The following INKA1 variants were observed in gnomAD, a reference collection of about 807,000 sequenced individuals.
INKA1 encodes PAK4-inhibitor INKA1.
INKA1 carries 14 observed loss-of-function variants against 21.3 expected under a neutral mutation model. That is an observed-to-expected ratio of 0.66 (90% CI 0.43 to 1.03). INKA1 has a LOEUF of 1.03. INKA1 is among the 50% of genes least tolerant of loss of function. The pLI is 0.00. For missense variants in INKA1, 353 were observed against 379.0 expected (o/e 0.93, Z 0.57); for synonymous variants, 133 against 143.3 (o/e 0.93, Z 0.51).
In INKA1 at chr3:49,804,403, T is replaced by C; in HGVS notation, c.274T>C (p.Trp92Arg). 1 of 1,613,168 alleles carries C rather than the reference T, an allele frequency of 6.2e-7. No homozygotes were observed. The highest frequency in any genetic ancestry group is 1.1e-5 in the South Asian group (1 of 91,036). ...AGGCCCCAGGGAGCATGCCCTGGAC[T>C]GGGACTCTGGCTTCTCGGAGGTGTC... is the stretch of plus-strand genomic sequence containing the variant. ...LGGPREHALD[W>R]DSGFSEVSGS... The change falls in exon 2 of 2, where the codon TGG (tryptophan) becomes CGG (arginine). Residue 92 changes from tryptophan (W) to arginine (R), a missense_variant. Coordinates refer to ENST00000333323, the MANE Select transcript of INKA1 (RefSeq NM_203370.2). The surrounding 1 kb of genome is among the most constrained non-coding windows in gnomAD (Gnocchi z 6.7).
chr3:49,804,073 C>T lies in INKA1; in HGVS notation c.52-108C>T. Reference sequence around the variant, plus strand: ...TGCCTGCCCTGTGCTCACTAACACCCTGCTGCCCAGGCCAGCAGGCCTATC... The same window carrying T: ...TGCCTGCCCTGTGCTCACTAACACCTTGCTGCCCAGGCCAGCAGGCCTATC... On this transcript the variant is annotated intron_variant, in intron 1 of 1. Coordinates refer to ENST00000333323, the MANE Select transcript of INKA1 (RefSeq NM_203370.2). The surrounding 1 kb of genome is among the most constrained non-coding windows in gnomAD (Gnocchi z 6.7). 1 of 942,610 alleles carries T rather than the reference C, an allele frequency of 1.1e-6. No homozygotes were observed. Among genetic ancestry groups the T allele is most frequent in the South Asian group, 1.6e-5 (1 of 62,878 alleles). 58.4% of individuals were successfully genotyped at this position (942,610 alleles called of 1,614,324 possible).
rs1575362897 is a variant in INKA1 at position 49,804,165 on chromosome 3, C to T, written c.52-16C>T. On this transcript the variant is annotated splice_polypyrimidine_tract_variant and intron_variant, in intron 1 of 1. Transcript: ENST00000333323. This position sits in a 1 kb window ranked among gnomAD's most constrained non-coding sequence, Gnocchi z 6.7. ...CAAGTGATACCTCTCCGACTTCTGCCCTCTCTTCCCCTCAGTTGTGTGGTC... is the reference window on the plus strand; with the variant it reads ...CAAGTGATACCTCTCCGACTTCTGCTCTCTCTTCCCCTCAGTTGTGTGGTC... 1 of 1,551,332 alleles carries T rather than the reference C, an allele frequency of 6.4e-7. No individual in the cohort carries two copies. Among genetic ancestry groups the T allele is most frequent in the Non-Finnish European group, 8.7e-7 (1 of 1,146,386 alleles).
chr3:49,803,540 G>C lies in INKA1; in HGVS notation c.51+97G>C, dbSNP rs2081398508. ...CAGACGGGTGCGGGGTGGCTCCAGCGTGCCGGTCCGAGGCGGGGTGGGGGC... is the reference window on the plus strand; with the variant it reads ...CAGACGGGTGCGGGGTGGCTCCAGCCTGCCGGTCCGAGGCGGGGTGGGGGC... On this transcript the variant is annotated intron_variant, in intron 1 of 1. Coordinates refer to ENST00000333323, the MANE Select transcript of INKA1 (RefSeq NM_203370.2). The surrounding 1 kb of genome is among the most constrained non-coding windows in gnomAD (Gnocchi z 4.8). 3 of 1,290,008 alleles carry C rather than the reference G, an allele frequency of 2.3e-6. No homozygotes were observed. In the Admixed American group the frequency reaches 7.8e-5, roughly 34 times the overall value. The allele number at this position is 1,290,008 out of a possible 1,614,324, so 79.9% of individuals were successfully genotyped here.
chr3:49,804,166 C>A lies in INKA1; in HGVS notation c.52-15C>A. 1 of 1,552,270 alleles carries A rather than the reference C, an allele frequency of 6.4e-7. No individual in the cohort carries two copies. The highest frequency in any genetic ancestry group is 8.7e-7 in the Non-Finnish European group (1 of 1,146,982). Reference sequence around the variant, plus strand: ...AAGTGATACCTCTCCGACTTCTGCCCTCTCTTCCCCTCAGTTGTGTGGTCG... The same window carrying A: ...AAGTGATACCTCTCCGACTTCTGCCATCTCTTCCCCTCAGTTGTGTGGTCG... On this transcript the variant is annotated splice_polypyrimidine_tract_variant and intron_variant, in intron 1 of 1. Transcript: ENST00000333323. This position sits in a 1 kb window ranked among gnomAD's most constrained non-coding sequence, Gnocchi z 6.7.
In INKA1 at chr3:49,803,424, G is replaced by A; in HGVS notation, c.32G>A (p.Ser11Asn). Residue 11 changes from serine (S) to asparagine (N), a missense_variant, in exon 1 of 2, where the codon AGC becomes AAC. Coordinates refer to ENST00000333323, the MANE Select transcript of INKA1 (RefSeq NM_203370.2). The surrounding 1 kb of genome is among the most constrained non-coding windows in gnomAD (Gnocchi z 4.8). ...AGCGCTCGGCTTGACAGCTTCCTTA[G>A]CCAGCTCCGCTGGGAACTGGTGAGG... is the stretch of plus-strand genomic sequence containing the variant. MHSARLDSFL[S>N]QLRWELLCGR... 1 of 1,557,804 alleles carries A rather than the reference G, an allele frequency of 6.4e-7. No homozygotes were observed. The highest frequency in any genetic ancestry group is 2.0e-5 in the Admixed American group (1 of 50,488).
Position 49,803,376 on chromosome 3 carries a change from G to T in INKA1, c.-17G>T. 1 of 1,518,804 alleles carries T rather than the reference G, an allele frequency of 6.6e-7. No homozygotes were observed. Among genetic ancestry groups the T allele is most frequent in the African/African-American group, 1.4e-5 (1 of 69,830 alleles). 94.1% of individuals were successfully genotyped at this position (1,518,804 alleles called of 1,614,324 possible). ...CCAAGAGGAGCTAGTAGGTTCGGTG[G>T]GGGCCCTGGCATGGACATGCACAGC... On this transcript the variant is annotated 5_prime_UTR_variant, in exon 1 of 2. Transcript: ENST00000333323. The surrounding 1 kb of genome is among the most constrained non-coding windows in gnomAD (Gnocchi z 4.8).
Position 49,804,387 on chromosome 3 carries a change from G to T in INKA1, c.258G>T (p.Arg86Ser), listed in dbSNP as rs2081411840. 6.2e-7 allele frequency: 1 copy of T among 1,613,444 alleles called. No homozygotes were observed. Among genetic ancestry groups the T allele is most frequent in the South Asian group, 1.1e-5 (1 of 91,072 alleles). Residue 86 changes from arginine (R) to serine (S), a missense_variant, in exon 2 of 2, where the codon AGG (arginine) becomes AGT (serine). Arg to Ser is a moderately radical substitution (Grantham distance 110). Transcript: ENST00000333323. This position sits in a 1 kb window ranked among gnomAD's most constrained non-coding sequence, Gnocchi z 6.7. ...GGGATGCAGCCTTGGGAGGCCCCAGGGAGCATGCCCTGGACTGGGACTCTG... is the reference window on the plus strand; with the variant it reads ...GGGATGCAGCCTTGGGAGGCCCCAGTGAGCATGCCCTGGACTGGGACTCTG... ...EDRDAALGGP[R>S]EHALDWDSGF...
At position 49,804,760 on chromosome 3, in the gene INKA1, G is replaced by A. The variant is rs376941306; in HGVS notation, c.631G>A (p.Gly211Arg). Residue 211 changes from glycine to arginine, a missense_variant, in exon 2 of 2, where the codon GGA (glycine) becomes AGA (arginine). Transcript: ENST00000333323. The surrounding 1 kb of genome is among the most constrained non-coding windows in gnomAD (Gnocchi z 6.7). ...LPETGSEGGDGGGHRARARPP... is the reference protein window; with the variant it reads ...LPETGSEGGDRGGHRARARPP... ...TGAGACAGGGAGTGAAGGGGGTGAC[G>A]GAGGTGGGCACCGTGCCCGTGCTCG... is the stretch of plus-strand genomic sequence containing the variant. 48 of 1,613,194 alleles carry A rather than the reference G, an allele frequency of 3.0e-5. No individual in the cohort carries two copies. Among genetic ancestry groups the A allele is most frequent in the Non-Finnish European group, 3.8e-5 (45 of 1,180,034 alleles).
rs758180603 is a variant in INKA1, at chr3:49,803,804, C to T, written c.51+361C>T. Among the ~76,000 whole-genome samples, 2 of 152,214 alleles carry T rather than the reference C, an allele frequency of 1.3e-5. No individual in the cohort carries two copies. Among genetic ancestry groups the T allele is most frequent in the Non-Finnish European group, 2.9e-5 (2 of 68,020 alleles). On this transcript the variant is annotated intron_variant, in intron 1 of 1. Coordinates refer to ENST00000333323, the MANE Select transcript of INKA1 (RefSeq NM_203370.2). The surrounding 1 kb of genome is among the most constrained non-coding windows in gnomAD (Gnocchi z 4.8). The stretch of plus-strand genomic sequence containing the variant: ...TATGCCTCCCTTCTCTACCCCTCAC[C>T]TAGCAAGCGCTCTTTCTGTGAAAGA...
rs1017500764 is a variant in INKA1 at position 49,804,073 on chromosome 3, C to G, written c.52-108C>G. On this transcript the variant is annotated intron_variant, in intron 1 of 1. Coordinates refer to ENST00000333323, the MANE Select transcript of INKA1 (RefSeq NM_203370.2). This position sits in a 1 kb window ranked among gnomAD's most constrained non-coding sequence, Gnocchi z 6.7. Reference sequence around the variant, plus strand: ...TGCCTGCCCTGTGCTCACTAACACCCTGCTGCCCAGGCCAGCAGGCCTATC... The same window carrying G: ...TGCCTGCCCTGTGCTCACTAACACCGTGCTGCCCAGGCCAGCAGGCCTATC... 12 of 942,610 alleles carry G rather than the reference C, an allele frequency of 1.3e-5. No individual in the cohort carries two copies. Among genetic ancestry groups the G allele is most frequent in the Non-Finnish European group, 1.9e-5 (12 of 621,380 alleles). The allele number at this position is 942,610 out of a possible 1,614,324, so 58.4% of individuals were successfully genotyped here.
In INKA1 at chr3:49,804,381, C is replaced by G. The variant is rs759869380; in HGVS notation, c.252C>G (p.Gly84=). 2 of 1,613,128 alleles carry G rather than the reference C, an allele frequency of 1.2e-6. No individual in the cohort carries two copies. Among genetic ancestry groups the G allele is most frequent in the South Asian group, 2.2e-5 (2 of 91,038 alleles). ...VTEDRDAALG[G]PREHALDWDS... is the part of the protein sequence containing the mutation. The stretch of plus-strand genomic sequence containing the variant: ...AAGACAGGGATGCAGCCTTGGGAGG[C>G]CCCAGGGAGCATGCCCTGGACTGGG... The change falls in exon 2 of 2, where the codon GGC becomes GGG. Residue 84 remains glycine, a synonymous_variant. Transcript: ENST00000333323. The surrounding 1 kb of genome is among the most constrained non-coding windows in gnomAD (Gnocchi z 6.7).
chr3:49,804,375 G>T lies in INKA1; in HGVS notation c.246G>T (p.Leu82Phe), dbSNP rs371835783. ...TGACAGAAGACAGGGATGCAGCCTTGGGAGGCCCCAGGGAGCATGCCCTGG... is the reference window on the plus strand; with the variant it reads ...TGACAGAAGACAGGGATGCAGCCTTTGGAGGCCCCAGGGAGCATGCCCTGG... ...AVVTEDRDAA[L>F]GGPREHALDW... Residue 82 changes from leucine (L) to phenylalanine (F), a missense_variant, in exon 2 of 2, where the codon TTG becomes TTT. Transcript: ENST00000333323. The surrounding 1 kb of genome is among the most constrained non-coding windows in gnomAD (Gnocchi z 6.7). 1.2e-6 allele frequency: 2 copies of T among 1,613,478 alleles called. No individual in the cohort carries two copies. The highest frequency in any genetic ancestry group is 1.7e-6 in the Non-Finnish European group (2 of 1,179,964).
rs886627125 is a variant in INKA1 at position 49,805,021 on chromosome 3, T to A, written c.*34T>A. The A allele has an allele frequency of 6.3e-7, 1 of 1,578,636 alleles. No individual in the cohort carries two copies. Among genetic ancestry groups the A allele is most frequent in the Non-Finnish European group, 8.6e-7 (1 of 1,158,490 alleles). On this transcript the variant is annotated 3_prime_UTR_variant, in exon 2 of 2. Transcript: ENST00000333323. ...TCCAGCCTGGGACAATAAAAGCCTT[T>A]TTTCTAGACTGTCCTGGCTCCATAC...
rs1267301271 is a variant in INKA1, at chr3:49,804,472, CCAGCACCCTCAGCA to C, written c.348_361del (p.Ala119Ter). ...GGAAGAACTGCCTGTATCCCAGCGC[CCAGCACCCTCAGCA>C]CAGCCCCTTCGTAGGCAGTGCCTCT... On this transcript the variant is annotated frameshift_variant, in exon 2 of 2. Transcript: ENST00000333323. LOFTEE classifies it high-confidence loss of function. This position sits in a 1 kb window ranked among gnomAD's most constrained non-coding sequence, Gnocchi z 6.7. The C allele has an allele frequency of 6.2e-7, 1 of 1,613,468 alleles. No individual in the cohort carries two copies. The highest frequency in any genetic ancestry group is 8.5e-7 in the Non-Finnish European group (1 of 1,180,006).
In INKA1 at chr3:49,804,944, G is replaced by A. The variant is rs776374917; in HGVS notation, c.815G>A (p.Arg272His). The A allele has an allele frequency of 2.7e-5, 44 of 1,611,710 alleles. No individual in the cohort carries two copies. Among genetic ancestry groups the A allele is most frequent in the South Asian group, 9.9e-5 (9 of 91,068 alleles). Residue 272 changes from arginine to histidine, a missense_variant, in exon 2 of 2, where the codon CGT becomes CAT. Arg to His is a conservative substitution (Grantham distance 29). Coordinates refer to ENST00000333323, the MANE Select transcript of INKA1 (RefSeq NM_203370.2). This position sits in a 1 kb window ranked among gnomAD's most constrained non-coding sequence, Gnocchi z 6.7. ...VSRFAALMSC[R>H]SRQPIICNDV... is the part of the protein sequence containing the mutation. ...CGCTTTGCAGCTCTCATGAGCTGTCGTAGCCGCCAGCCCATCATCTGCAAT... is the reference window on the plus strand; with the variant it reads ...CGCTTTGCAGCTCTCATGAGCTGTCATAGCCGCCAGCCCATCATCTGCAAT...
At position 49,804,406 on chromosome 3, in the gene INKA1, G is replaced by C. The variant is rs778887411; in HGVS notation, c.277G>C (p.Asp93His). ...CCCCAGGGAGCATGCCCTGGACTGG[G>C]ACTCTGGCTTCTCGGAGGTGTCAGG... ...GGPREHALDW[D>H]SGFSEVSGST... The change falls in exon 2 of 2, where the codon GAC (aspartate) becomes CAC (histidine). Residue 93 changes from aspartate (D) to histidine (H), a missense_variant. Transcript: ENST00000333323. The surrounding 1 kb of genome is among the most constrained non-coding windows in gnomAD (Gnocchi z 6.7). 5.0e-6 allele frequency: 8 copies of C among 1,613,608 alleles called. No homozygotes were observed.
rs905067517 is a variant in INKA1 at position 49,803,372 on chromosome 3, G to C, written c.-21G>C. On this transcript the variant is annotated 5_prime_UTR_variant, in exon 1 of 2. Coordinates refer to ENST00000333323, the MANE Select transcript of INKA1 (RefSeq NM_203370.2). The surrounding 1 kb of genome is among the most constrained non-coding windows in gnomAD (Gnocchi z 4.8). ...GGTTCCAAGAGGAGCTAGTAGGTTC[G>C]GTGGGGGCCCTGGCATGGACATGCA... is the stretch of plus-strand genomic sequence containing the variant. 3.3e-5 allele frequency: 50 copies of C among 1,514,490 alleles called. No homozygotes were observed. In the African/African-American group the frequency reaches 4.0e-4, roughly 12 times the overall value. 93.8% of individuals were successfully genotyped at this position (1,514,490 alleles called of 1,614,324 possible).
rs753224861 is a variant in INKA1 at position 49,803,407 on chromosome 3, G to C, written c.15G>C (p.Arg5=). Residue 5 remains arginine, a synonymous_variant, in exon 1 of 2, where the codon CGG becomes CGC. Transcript: ENST00000333323. This position sits in a 1 kb window ranked among gnomAD's most constrained non-coding sequence, Gnocchi z 4.8. Reference sequence around the variant, plus strand: ...CTGGCATGGACATGCACAGCGCTCGGCTTGACAGCTTCCTTAGCCAGCTCC... The same window carrying C: ...CTGGCATGGACATGCACAGCGCTCGCCTTGACAGCTTCCTTAGCCAGCTCC... MHSA[R]LDSFLSQLRW... is the part of the protein sequence containing the mutation. 42 of 1,553,114 alleles carry C rather than the reference G, an allele frequency of 2.7e-5. No individual in the cohort carries two copies. In the Admixed American group the frequency reaches 5.9e-4, roughly 22 times the overall value.
At position 49,803,339 on chromosome 3, in the gene INKA1, T is replaced by TCCGC. The variant is rs1460608581; in HGVS notation, c.-52_-49dup. 6.8e-7 allele frequency: 1 copy of TCCGC among 1,468,156 alleles called. No homozygotes were observed. Among genetic ancestry groups the TCCGC allele is most frequent in the Non-Finnish European group, 9.0e-7 (1 of 1,112,894 alleles). 90.9% of individuals were successfully genotyped at this position (1,468,156 alleles called of 1,614,324 possible). A position where few individuals can be genotyped will look rare whatever the true frequency, so the allele number is the denominator to read the frequency against. ...GCCCTCCCAGCCCTCTCCGCGCGGC[T>TCCGC]CCGCCGGGGTTCCAAGAGGAGCTAG... On this transcript the variant is annotated 5_prime_UTR_variant, in exon 1 of 2. Coordinates refer to ENST00000333323, the MANE Select transcript of INKA1 (RefSeq NM_203370.2). This position sits in a 1 kb window ranked among gnomAD's most constrained non-coding sequence, Gnocchi z 4.8.
Sources: gnomAD v4.1 joint callset for allele counts (sites outside exome capture counted in the v4.1 genomes callset) on GRCh38, gnomAD v4.1.1 for gene constraint, Gnocchi (gnomAD v3.1) non-coding constraint, MANE v1.5 for transcripts, NCBI Gene and HGNC (gene_info 2026-07-23, HGNC 2026-07-21) for gene names.